ASTN2: variants seen among roughly 807,000 people sequenced by gnomAD.
ASTN2 encodes astrotactin-2.
Under a neutral mutation model 139.8 loss-of-function variants are expected in ASTN2, and 54 were observed. That is an observed-to-expected ratio of 0.39 (90% CI 0.31 to 0.48). The LOEUF (loss-of-function observed/expected upper bound fraction) is 0.48. Ranked by LOEUF, ASTN2 falls within the 20% of genes least tolerant of loss-of-function variation. The pLI is 0.95. For synonymous variants in ASTN2, 756 were observed against 719.5 expected (o/e 1.05, Z -0.81); for missense variants, 1,565 against 1,725.1 (o/e 0.91, Z 1.64).
intron 10 of ASTN2, among the ~76,000 whole-genome samples, chr9:116,877,888 G>C (rs542487901): frequency 6.6e-6 from 1 of 152,252 alleles, no homozygotes; most frequent in East Asian, 1.9e-4. Context: ...CCATTAAAAA[G>C]TAGGCAAATG....
At chr9:117,120,012 G>GTATATATATATA (rs1194137211) in intron 4 of ASTN2, among the ~76,000 whole-genome samples, 15 of 68,776 alleles carry the variant, frequency 2.2e-4, no homozygotes, top group South Asian at 1.2e-3. Context: ...GTGTGTGTGT[G>GTATATATATATA]TGTGTGTATA....
chr9:116,991,891 C>T (rs558590110), intron 7 of ASTN2, among the ~76,000 whole-genome samples: 3 of 152,310 alleles, frequency 2.0e-5, no homozygotes, highest in East Asian at 3.9e-4. Flanking sequence ...GTGACTGACT[C>T]AATCTTCAGG....
chr9:116,723,702 A>T (rs1828537362), intron 16 of ASTN2, among the ~76,000 whole-genome samples: 1 of 152,192 alleles, frequency 6.6e-6, no homozygotes, highest in Non-Finnish European at 1.5e-5. Context: ...AAATATAAAA[A>T]ATAAAACCGG....
chr9:116,554,120 A>C (rs1362837196), intron 19 of ASTN2, among the ~76,000 whole-genome samples: 2 of 152,198 alleles, frequency 1.3e-5, no homozygotes, highest in African/African-American at 2.4e-5. Flanking sequence ...AGTTCACTTA[A>C]CTCTCATGTC....
Position 117,334,503 on chromosome 9 carries a change from G to A in ASTN2, c.443-42990C>T, listed in dbSNP as rs375790454. On this transcript the variant is annotated intron_variant, in intron 1 of 22. Transcript: ENST00000313400. ...TCAGGGCTTTTTTTTTTTTTTTGAC[G>A]GTGGAGAGAATAATGATAAGCAAAG... 5.6e-4 allele frequency among the ~76,000 whole-genome samples: 83 copies of A among 147,630 alleles called. 1 individual carries two copies. In the East Asian group the frequency reaches 8.5e-3, roughly 15 times the overall value.
intron 10 of ASTN2, among the ~76,000 whole-genome samples, chr9:116,907,673 G>T (rs1376532758): frequency 6.6e-6 from 1 of 152,182 alleles, no homozygotes; most frequent in African/African-American, 2.4e-5. Flanking sequence ...GATCTATTTG[G>T]CAGAAAGGGG....
At chr9:116,628,986 T>A (rs1281707799) in intron 17 of ASTN2, among the ~76,000 whole-genome samples, 1 of 152,180 alleles carries the variant, frequency 6.6e-6, no homozygotes, top group South Asian at 2.1e-4. Flanking sequence ...AGGAGTGGGA[T>A]GAAGAGAACA....
At chr9:116,812,715 A>C (rs1305692474) in intron 12 of ASTN2, among the ~76,000 whole-genome samples, 2 of 152,176 alleles carry the variant, frequency 1.3e-5, no homozygotes, top group Non-Finnish European at 2.9e-5. Context: ...TGACTTGCCC[A>C]TGGAGGTATG....
chr9:117,060,457 A>AAAGGAAGGAAGG (rs767897842), intron 5 of ASTN2, among the ~76,000 whole-genome samples: 1 of 61,422 alleles, frequency 1.6e-5, no homozygotes, highest in African/African-American at 8.7e-5. Context: ...AGAAAGAAAG[A>AAAGGAAGGAAGG]AAGGAAGGAA....
chr9:117,211,020 C>T (rs566497206), intron 3 of ASTN2, among the ~76,000 whole-genome samples: 2 of 149,510 alleles, frequency 1.3e-5, no homozygotes, highest in South Asian at 2.1e-4. Context: ...AATATCTCCT[C>T]GTGATAAAAA....
intron 19 of ASTN2, among the ~76,000 whole-genome samples, chr9:116,592,496 C>T (rs1854417608): frequency 6.6e-6 from 1 of 152,150 alleles, no homozygotes; most frequent in Non-Finnish European, 1.5e-5. Flanking sequence ...GCCCTCGCCT[C>T]CAACAGTGGG....
At chr9:117,229,627 T>C (rs900413571) in intron 2 of ASTN2, among the ~76,000 whole-genome samples, 5 of 152,138 alleles carry the variant, frequency 3.3e-5, no homozygotes, top group East Asian at 1.9e-4. Context: ...TTCAGATTAA[T>C]TAGATGAAGA....
At position 116,794,167 on chromosome 9, in the gene ASTN2, G is replaced by A. The variant is rs574524735; in HGVS notation, c.2396+11465C>T. Among the ~76,000 whole-genome samples the A allele has an allele frequency of 2.6e-3, 366 of 142,954 alleles. 2 individuals carry two copies. The Middle Eastern group carries it at 0.048, about 19-fold the overall frequency. 93.8% of individuals were successfully genotyped at this position (142,954 alleles called of 152,430 possible). A position where few individuals can be genotyped will look rare whatever the true frequency, so the allele number is the denominator to read the frequency against. On this transcript the variant is annotated intron_variant, in intron 13 of 22. Coordinates refer to ENST00000313400, the MANE Select transcript of ASTN2 (RefSeq NM_001365068.1). ...AGCTGGAGTGCAATGGTGCAATCTC[G>A]GTTCACCAAAACCTCCACCTCCCAG... is the stretch of plus-strand genomic sequence containing the variant.
intron 1 of ASTN2, among the ~76,000 whole-genome samples, chr9:117,395,082 G>A (rs953894842): frequency 3.6e-4 from 55 of 152,188 alleles, no homozygotes; most frequent in African/African-American, 9.9e-4. Context: ...CAACAAGAAT[G>A]GCATCTAAAA....
At chr9:116,632,181 A>G (rs189081962) in intron 17 of ASTN2, among the ~76,000 whole-genome samples, 3,886 of 25,208 alleles carry the variant, frequency 0.15, 445 homozygotes, top group African/African-American at 0.37. Context: ...AGAGAGAGAG[A>G]GAGGGAGAGA....
chr9:116,489,756 G>A (rs1455089022), intron 19 of ASTN2, among the ~76,000 whole-genome samples: 1 of 152,224 alleles, frequency 6.6e-6, no homozygotes, highest in Admixed American at 6.5e-5. Flanking sequence ...AGTTCTAGAA[G>A]GTATTTGCTC....
At chr9:116,440,281 C>T (rs990530590) in intron 22 of ASTN2, among the ~76,000 whole-genome samples, 2 of 152,142 alleles carry the variant, frequency 1.3e-5, no homozygotes, top group Non-Finnish European at 2.9e-5. Context: ...TGCTGTTCCC[C>T]TCTGTGATCT....
chr9:117,272,615 A>G (rs1460907282), intron 2 of ASTN2, among the ~76,000 whole-genome samples: 4 of 152,212 alleles, frequency 2.6e-5, no homozygotes, highest in African/African-American at 9.7e-5. Context: ...CCAAGTCGCC[A>G]CTTGAATGCT....
At chr9:116,790,983 GAAAGAAAGAA>G in intron 13 of ASTN2, among the ~76,000 whole-genome samples, 2 of 85,276 alleles carry the variant, frequency 2.3e-5, no homozygotes, top group East Asian at 1.6e-3. Context: ...AAGAAAGAAA[GAAAGAAAGAA>G]AGAAAGAAAG....
Sources: allele counts gnomAD v4.1 joint callset (sites outside exome capture counted in the v4.1 genomes callset), GRCh38; gene constraint gnomAD v4.1.1; transcripts MANE v1.5; gene names NCBI Gene and HGNC (gene_info 2026-07-23, HGNC 2026-07-21).